ATP8A2: variants seen among roughly 807,000 people sequenced by gnomAD.
ATP8A2 encodes phospholipid-transporting ATPase IB.
In ATP8A2, 100 loss-of-function variants were observed where a neutral mutation model predicts 165.6. The observed-to-expected ratio is 0.60, with a 90% confidence interval of 0.51 to 0.71. The LOEUF is 0.71. Ranked by LOEUF, ATP8A2 falls within the 30% of genes least tolerant of loss-of-function variation. The probability of loss-of-function intolerance (pLI) is 0.00; values close to 1 mark genes in which losing one functional copy is unlikely to be tolerated. For missense variants in ATP8A2, 1,227 were observed against 1,479.5 expected (o/e 0.83, Z 2.80); for synonymous variants, 543 against 548.8 (o/e 0.99, Z 0.15).
chr13:25,809,578 C>G (rs2138504794), intron 27 of ATP8A2, among the ~76,000 whole-genome samples: 1 of 152,216 alleles, frequency 6.6e-6, no homozygotes, highest in African/African-American at 2.4e-5. Flanking sequence ...GCCCTCTTTA[C>G]TTATCTGAAC....
At chr13:25,617,443 T>C (rs778837339) in intron 24 of ATP8A2, among the ~76,000 whole-genome samples, 2 of 152,230 alleles carry the variant, frequency 1.3e-5, no homozygotes, top group Non-Finnish European at 2.9e-5. Context: ...CCATCAGTTA[T>C]CATCAGTATT....
At chr13:25,548,645 G>T (rs895342267) in intron 10 of ATP8A2, among the ~76,000 whole-genome samples, 1 of 152,154 alleles carries the variant, frequency 6.6e-6, no homozygotes, top group Non-Finnish European at 1.5e-5. Flanking sequence ...TACAGTATTT[G>T]ATTGATGATA....
intron 10 of ATP8A2, among the ~76,000 whole-genome samples, chr13:25,545,573 A>G (rs2038623122): frequency 6.6e-6 from 1 of 152,134 alleles, no homozygotes; most frequent in African/African-American, 2.4e-5. Flanking sequence ...GTGCAGTGTC[A>G]GTAACCCTTG....
intron 24 of ATP8A2, among the ~76,000 whole-genome samples, chr13:25,651,878 A>T (rs1207733670): frequency 6.6e-6 from 1 of 152,068 alleles, no homozygotes; most frequent in Non-Finnish European, 1.5e-5. Flanking sequence ...GATTTTAGTC[A>T]ATTTTTTGTT....
intron 4 of ATP8A2, among the ~76,000 whole-genome samples, chr13:25,531,410 TTATATATATGATATATATATGATTA>T (rs1411007563): frequency 5.1e-5 from 3 of 58,956 alleles, no homozygotes; most frequent in African/African-American, 1.7e-4. Context: ...ATATATATGA[TTATATATATGATATATATATGATTA>T]TATATATGAT....
At chr13:25,638,948 T>A (rs546646917) in intron 24 of ATP8A2, among the ~76,000 whole-genome samples, 1 of 152,280 alleles carries the variant, frequency 6.6e-6, no homozygotes, top group East Asian at 1.9e-4. Context: ...TGGGGGCCAA[T>A]ATTCAACATT....
At position 25,433,082 on chromosome 13, in the gene ATP8A2, C is replaced by T. The variant is rs114582950; in HGVS notation, c.77-35895C>T. 8.5e-3 allele frequency among the ~76,000 whole-genome samples: 1,296 copies of T among 152,244 alleles called. 21 individuals carry two copies. The highest frequency in any genetic ancestry group is 0.029 in the African/African-American group (1,200 of 41,532). On this transcript the variant is annotated intron_variant, in intron 1 of 36. Transcript: ENST00000381655. Reference sequence around the variant, plus strand: ...AATCTGATCTGTGGGAGCTGAGTTGCTGCAAGGTCTGTCTGCATTCCTAAG... The same window carrying T: ...AATCTGATCTGTGGGAGCTGAGTTGTTGCAAGGTCTGTCTGCATTCCTAAG...
chr13:25,737,170 G>T (rs1380340379), intron 25 of ATP8A2, among the ~76,000 whole-genome samples: 1 of 152,196 alleles, frequency 6.6e-6, no homozygotes, highest in African/African-American at 2.4e-5. Flanking sequence ...TCATAACTCT[G>T]CAAGGGAAGA....
At chr13:25,615,165 G>T (rs998700506) in intron 24 of ATP8A2, among the ~76,000 whole-genome samples, 3 of 152,166 alleles carry the variant, frequency 2.0e-5, no homozygotes, top group Middle Eastern at 3.2e-3. Context: ...GTGAGGGCAA[G>T]GTTAGGTGTG....
chr13:25,594,972 G>T (rs1198570748), intron 24 of ATP8A2, among the ~76,000 whole-genome samples: 1 of 66,530 alleles, frequency 1.5e-5, no homozygotes, highest in Non-Finnish European at 3.2e-5. Context: ...AGAAACTGTG[G>T]TGTGTGTGTG....
At chr13:25,755,183 A>C (rs1351689851) in intron 25 of ATP8A2, among the ~76,000 whole-genome samples, 1 of 152,212 alleles carries the variant, frequency 6.6e-6, no homozygotes, top group African/African-American at 2.4e-5. Flanking sequence ...TCAGGTCAGG[A>C]TGAGCTAAAT....
intron 24 of ATP8A2, among the ~76,000 whole-genome samples, chr13:25,649,279 C>T (rs2041754917): frequency 6.6e-6 from 1 of 152,164 alleles, no homozygotes; most frequent in Non-Finnish European, 1.5e-5. Context: ...CTTGAATTCA[C>T]ATGGGGCAGC....
intron 24 of ATP8A2, among the ~76,000 whole-genome samples, chr13:25,692,269 G>A (rs1162913465): frequency 6.6e-6 from 1 of 152,216 alleles, no homozygotes; most frequent in Non-Finnish European, 1.5e-5. Context: ...GCTAAGCATG[G>A]TGTGGTTGAA....
chr13:25,668,939 C>T (rs1442650462), intron 24 of ATP8A2, among the ~76,000 whole-genome samples: 2 of 152,052 alleles, frequency 1.3e-5, no homozygotes, highest in Non-Finnish European at 2.9e-5. Context: ...TTATACATTG[C>T]TTTCTTTATT....
intron 27 of ATP8A2, among the ~76,000 whole-genome samples, chr13:25,794,816 C>T (rs1950462798): frequency 7.7e-6 from 1 of 129,274 alleles, no homozygotes; most frequent in African/African-American, 2.8e-5. Flanking sequence ...CGCATTCCCT[C>T]TCCTACACAC....
At chr13:25,484,039 C>T (rs1314603543) in intron 2 of ATP8A2, among the ~76,000 whole-genome samples, 3 of 152,150 alleles carry the variant, frequency 2.0e-5, no homozygotes, top group African/African-American at 7.2e-5. Flanking sequence ...GTCTTTTGTA[C>T]ATATATGTTT....
At chr13:26,017,698 GC>G (rs1957010369) in intron 36 of ATP8A2, among the ~76,000 whole-genome samples, 1 of 152,204 alleles carries the variant, frequency 6.6e-6, no homozygotes, top group Admixed American at 6.5e-5. Flanking sequence ...AAACTCTAAA[GC>G]CCTGAGAATC....
intron 35 of ATP8A2, among the ~76,000 whole-genome samples, chr13:25,976,279 A>AT (rs1185467728): frequency 5.3e-5 from 8 of 151,948 alleles, no homozygotes; most frequent in African/African-American, 1.7e-4. Flanking sequence ...GCTCCACTTT[A>AT]TTTTTTTATC....
rs1307303700 is a variant in ATP8A2 at position 25,372,737 on chromosome 13, GA to G, written c.76+454del. Among the ~76,000 whole-genome samples, 2 of 152,314 alleles carry G rather than the reference GA, an allele frequency of 1.3e-5. No homozygotes were observed. Among genetic ancestry groups the G allele is most frequent in the Non-Finnish European group, 2.9e-5 (2 of 68,004 alleles). The stretch of plus-strand genomic sequence containing the variant: ...GCTGCAGAGCTCAAAAGCAGAGGGG[GA>G]AAAAGGCATCCGAAGGGTCCCTCGA... On this transcript the variant is annotated intron_variant, in intron 1 of 36. Transcript: ENST00000381655. This position sits in a 1 kb window ranked among gnomAD's most constrained non-coding sequence, Gnocchi z 4.8.
Sources: gnomAD v4.1 joint callset for allele counts (sites outside exome capture counted in the v4.1 genomes callset) on GRCh38, gnomAD v4.1.1 for gene constraint, Gnocchi (gnomAD v3.1) non-coding constraint, MANE v1.5 for transcripts, NCBI Gene and HGNC (gene_info 2026-07-23, HGNC 2026-07-21) for gene names.